The following OSBPL3 variants were observed in gnomAD, a reference collection of about 807,000 sequenced individuals.
OSBPL3 encodes oxysterol-binding protein-related protein 3.
In OSBPL3, 65 loss-of-function variants were observed where a neutral mutation model predicts 120.1. The ratio of observed to expected loss-of-function variants is 0.54; its 90% CI spans 0.44 to 0.67. The LOEUF is 0.67. OSBPL3 is among the 30% of genes least tolerant of loss of function. The pLI is 0.00. For synonymous variants in OSBPL3, 416 were observed against 402.6 expected (o/e 1.03, Z -0.40); for missense variants, 1,004 against 1,082.1 (o/e 0.93, Z 1.01).
chr7:24,800,983 C>T (rs537800315), intron 22 of OSBPL3, among the ~76,000 whole-genome samples: 2 of 149,494 alleles, frequency 1.3e-5, no homozygotes, highest in African/African-American at 4.9e-5. Flanking sequence ...TGGCTCACGC[C>T]TGTAATCTCG....
chr7:24,883,704 T>C lies in OSBPL3; in HGVS notation c.96+8673A>G, dbSNP rs989996945. 6.6e-6 allele frequency among the ~76,000 whole-genome samples: 1 copy of C among 152,234 alleles called. No individual in the cohort carries two copies. The highest frequency in any genetic ancestry group is 2.4e-5 in the African/African-American group (1 of 41,466). On this transcript the variant is annotated intron_variant, in intron 2 of 22. Transcript: ENST00000313367. The surrounding 1 kb of genome is among the most constrained non-coding windows in gnomAD (Gnocchi z 5.4). ...AGTTCAGCAACTTTCTGGAAGTGTT[T>C]TAAGATTTCAGTTTCTCGTGATCTT...
intron 12 of OSBPL3, among the ~76,000 whole-genome samples, chr7:24,846,160 T>A (rs1360787124): frequency 6.6e-6 from 1 of 152,242 alleles, no homozygotes; most frequent in Non-Finnish European, 1.5e-5. Flanking sequence ...TGTCCCATTC[T>A]TACCCATCAT....
intron 1 of OSBPL3, among the ~76,000 whole-genome samples, chr7:24,919,330 T>C (rs528320525): frequency 2.0e-5 from 3 of 152,180 alleles, no homozygotes; most frequent in East Asian, 1.9e-4. Context: ...TGGAATAAGA[T>C]TGAGAATGTA....
rs138430050 is a variant in OSBPL3, at chr7:24,813,676, G to A, written c.2172+1383C>T. On this transcript the variant is annotated intron_variant, in intron 19 of 22. Coordinates refer to ENST00000313367, the MANE Select transcript of OSBPL3 (RefSeq NM_015550.4). The surrounding 1 kb of genome is among the most constrained non-coding windows in gnomAD (Gnocchi z 4.5). Reference sequence around the variant, plus strand: ...GTATTCCCTATAGGTTACAGGTGGTGCAGAGAGGCATTGCATGAAGTTCCA... The same window carrying A: ...GTATTCCCTATAGGTTACAGGTGGTACAGAGAGGCATTGCATGAAGTTCCA... Among the ~76,000 whole-genome samples, 20 of 152,322 alleles carry A rather than the reference G, an allele frequency of 1.3e-4. No individual in the cohort carries two copies. The East Asian group carries it at 3.5e-3, about 26-fold the overall frequency.
chr7:24,942,044 T>C (rs1813162708), intron 1 of OSBPL3, among the ~76,000 whole-genome samples: 1 of 152,156 alleles, frequency 6.6e-6, no homozygotes, highest in Admixed American at 6.5e-5. Flanking sequence ...AAGAAAAAGC[T>C]TTGTTCTGTG....
intron 1 of OSBPL3, among the ~76,000 whole-genome samples, chr7:24,956,050 T>C (rs1362227144): frequency 6.6e-6 from 1 of 152,216 alleles, no homozygotes; most frequent in Non-Finnish European, 1.5e-5. Context: ...AAAATGCCCA[T>C]TTCCATCAGG....
rs528599426 is a variant in OSBPL3, at chr7:24,873,208, T to C, written c.97-1139A>G. Among the ~76,000 whole-genome samples, 3 of 152,274 alleles carry C rather than the reference T, an allele frequency of 2.0e-5. No individual in the cohort carries two copies. Among genetic ancestry groups the C allele is most frequent in the Admixed American group, 2.0e-4 (3 of 15,296 alleles). ...GGCAGAAGCCAAGGGCACTGGGAGA[T>C]GGACAGTGAGTCTGAACCAGCACCA... On this transcript the variant is annotated intron_variant, in intron 2 of 22. Coordinates refer to ENST00000313367, the MANE Select transcript of OSBPL3 (RefSeq NM_015550.4). This position sits in a 1 kb window ranked among gnomAD's most constrained non-coding sequence, Gnocchi z 4.1.
intron 19 of OSBPL3, among the ~76,000 whole-genome samples, chr7:24,811,068 G>A (rs1793738397): frequency 6.6e-6 from 1 of 152,138 alleles, no homozygotes; most frequent in African/African-American, 2.4e-5. Context: ...CAGATCATAT[G>A]GTAATTCCAT....
At chr7:24,870,701 G>A (rs767491282) in intron 5 of OSBPL3, 31 bp downstream of exon 5, 2 of 1,330,484 alleles carry the variant, frequency 1.5e-6, no homozygotes, top group South Asian at 1.2e-5. Context: ...CCCAACATAA[G>A]TGAACTCTGC....
At chr7:24,845,556 T>C (rs915928399) in intron 12 of OSBPL3, among the ~76,000 whole-genome samples, 2 of 151,650 alleles carry the variant, frequency 1.3e-5, no homozygotes, top group Non-Finnish European at 2.9e-5. Context: ...ATGAAAAACA[T>C]TATCATTGAT....
At position 24,912,206 on chromosome 7, in the gene OSBPL3, T is replaced by C. The variant is rs967762164; in HGVS notation, c.-149-19585A>G. 2.2e-3 allele frequency among the ~76,000 whole-genome samples: 336 copies of C among 152,326 alleles called. 3 individuals are homozygous for C. Among genetic ancestry groups the C allele is most frequent in the Non-Finnish European group, 8.7e-4 (59 of 68,036 alleles). On this transcript the variant is annotated intron_variant, in intron 1 of 22. Transcript: ENST00000313367. This position sits in a 1 kb window ranked among gnomAD's most constrained non-coding sequence, Gnocchi z 4.5. ...ATCCATTTATCAAACTTTAAAAATT[T>C]GTGGAAAGATAGATCCTAATTCTTT...
intron 2 of OSBPL3, among the ~76,000 whole-genome samples, chr7:24,880,581 T>C (rs1803535335): frequency 6.6e-6 from 1 of 152,228 alleles, no homozygotes; most frequent in Admixed American, 6.5e-5. Flanking sequence ...AAGTACACCA[T>C]AATGATTGGC....
intron 2 of OSBPL3, among the ~76,000 whole-genome samples, chr7:24,888,336 G>T (rs1259794034): frequency 2.6e-5 from 4 of 152,114 alleles, no homozygotes; most frequent in Non-Finnish European, 4.4e-5. Flanking sequence ...TATGAGAAAA[G>T]AACTATTATT....
At position 24,835,205 on chromosome 7, in the gene OSBPL3, G is replaced by A. The variant is rs948023452; in HGVS notation, c.1496-469C>T. Among the ~76,000 whole-genome samples, 2 of 151,918 alleles carry A rather than the reference G, an allele frequency of 1.3e-5. No homozygotes were observed. The highest frequency in any genetic ancestry group is 2.9e-5 in the Non-Finnish European group (2 of 67,988). ...TTATATATTAGAGTATCTTCATTTC[G>A]TGTTTTCTCCATTTGTGTTGTTCAT... On this transcript the variant is annotated intron_variant, in intron 14 of 22. Coordinates refer to ENST00000313367, the MANE Select transcript of OSBPL3 (RefSeq NM_015550.4). This position sits in a 1 kb window ranked among gnomAD's most constrained non-coding sequence, Gnocchi z 4.8.
rs1439577968 is a variant in OSBPL3, at chr7:24,808,700, T to C, written c.2317+1107A>G. Among the ~76,000 whole-genome samples the C allele has an allele frequency of 6.6e-6, 1 of 152,236 alleles. No homozygotes were observed. Among genetic ancestry groups the C allele is most frequent in the East Asian group, 1.9e-4 (1 of 5,206 alleles). On this transcript the variant is annotated intron_variant, in intron 20 of 22. Transcript: ENST00000313367. The surrounding 1 kb of genome is among the most constrained non-coding windows in gnomAD (Gnocchi z 4.6). ...TTGCTTGCTAACAGAATACTGATTCTGTTCAAATGGCATTGTGCCCTTACT... is the reference window on the plus strand; with the variant it reads ...TTGCTTGCTAACAGAATACTGATTCCGTTCAAATGGCATTGTGCCCTTACT...
intron 22 of OSBPL3, among the ~76,000 whole-genome samples, 171 bp from the exon 23 acceptor site, chr7:24,800,450 T>C (rs1792168408): frequency 6.8e-6 from 1 of 147,480 alleles, no homozygotes; most frequent in South Asian, 2.2e-4. Flanking sequence ...AATAATTTTG[T>C]TACTTTTTTT....
Position 24,962,962 on chromosome 7 carries a change from T to A in OSBPL3, c.-150+16924A>T, listed in dbSNP as rs565335961. 2.0e-5 allele frequency among the ~76,000 whole-genome samples: 3 copies of A among 152,342 alleles called. No individual in the cohort carries two copies. The South Asian group carries it at 6.2e-4, about 32-fold the overall frequency. On this transcript the variant is annotated intron_variant, in intron 1 of 22. Transcript: ENST00000313367. ...TCAATTATAATAAAAAGTTTTTAAA[T>A]ATTTTTGAAATGTAACATTCTGAGA...
Position 24,825,426 on chromosome 7 carries a change from C to T in OSBPL3, c.1885-5188G>A, listed in dbSNP as rs1795594152. Among the ~76,000 whole-genome samples, 3 of 152,236 alleles carry T rather than the reference C, an allele frequency of 2.0e-5. 1 individual carries two copies. In the South Asian group the frequency reaches 6.2e-4, roughly 32 times the overall value. On this transcript the variant is annotated intron_variant, in intron 16 of 22. Transcript: ENST00000313367. ...ATGCAGATGCCAATTATTTTCCCTTCTCCCATGTTCAGAGTGAATCACTTA... is the reference window on the plus strand; with the variant it reads ...ATGCAGATGCCAATTATTTTCCCTTTTCCCATGTTCAGAGTGAATCACTTA...
In OSBPL3 at chr7:24,820,675, T is replaced by C. The variant is rs2128140859; in HGVS notation, c.1885-437A>G. Among the ~76,000 whole-genome samples the C allele has an allele frequency of 6.6e-6, 1 of 152,304 alleles. No individual in the cohort carries two copies. The highest frequency in any genetic ancestry group is 6.5e-5 in the Admixed American group (1 of 15,298). The stretch of plus-strand genomic sequence containing the variant: ...AATTAAGATATCAAATAACAAGTAT[T>C]TTAAATGCAACCCAAAATGTTCTTC... On this transcript the variant is annotated intron_variant, in intron 16 of 22. Transcript: ENST00000313367. This position sits in a 1 kb window ranked among gnomAD's most constrained non-coding sequence, Gnocchi z 4.6.
Sources: allele counts gnomAD v4.1 joint callset (sites outside exome capture counted in the v4.1 genomes callset), GRCh38; gene constraint gnomAD v4.1.1; non-coding constraint Gnocchi (gnomAD v3.1); transcripts MANE v1.5; gene names NCBI Gene and HGNC (gene_info 2026-07-23, HGNC 2026-07-21).